The following SRFBP1 variants were observed in gnomAD, a reference collection of about 807,000 sequenced individuals.
SRFBP1 encodes the protein serum response factor-binding protein 1.
SRFBP1 carries 47 observed loss-of-function variants against 45.5 expected under a neutral mutation model. The observed-to-expected ratio is 1.03, with a 90% CI of 0.82 to 1.32. The LOEUF is 1.32. SRFBP1 is among the 40% of genes most tolerant of loss of function. SRFBP1 has a pLI of 0.00. For missense variants in SRFBP1, 621 were observed against 484.6 expected, an observed-to-expected ratio of 1.28 and a Z score of -2.64; for synonymous variants, 203 against 166.3, an observed-to-expected ratio of 1.22 and a Z score of -1.70.
chr5:122,066,306 C>T (rs1275298519), intron 2 of SRFBP1: 1 of 156,926 alleles, frequency 6.4e-6, no homozygotes, highest in African/African-American at 2.4e-5. Context: ...TTTCTAAATT[C>T]ATCTATGCTA....
intron 3 of SRFBP1, among the ~76,000 whole-genome samples, chr5:121,980,644 G>A (rs892217127): frequency 3.9e-5 from 6 of 152,062 alleles, no homozygotes; most frequent in Non-Finnish European, 8.8e-5. Context: ...CATATGCTGG[G>A]TAATTTTGGA....
At chr5:121,988,762 A>G (rs1168574774) in intron 3 of SRFBP1, among the ~76,000 whole-genome samples, 1 of 152,240 alleles carries the variant, frequency 6.6e-6, no homozygotes, top group Non-Finnish European at 1.5e-5. Context: ...CTCAGAGGTC[A>G]TCTCCTAGGA....
intron 4 of SRFBP1, among the ~76,000 whole-genome samples, chr5:122,012,453 A>G (rs1451691609): frequency 6.6e-6 from 1 of 152,114 alleles, no homozygotes; most frequent in African/African-American, 2.4e-5. Context: ...AAGAATGGAA[A>G]ACTAAATTTA....
chr5:122,009,335 T>C (rs997265565), intron 4 of SRFBP1, among the ~76,000 whole-genome samples: 5 of 152,226 alleles, frequency 3.3e-5, no homozygotes, highest in South Asian at 4.1e-4. Flanking sequence ...GGCTTCCTTT[T>C]ACTTTGTTAA....
downstream of SRFBP1, among the ~76,000 whole-genome samples, chr5:122,033,587 C>T (rs1031091229): frequency 6.0e-5 from 9 of 151,158 alleles, no homozygotes; most frequent in African/African-American, 2.4e-5. Flanking sequence ...TCAGCCTCCC[C>T]GTTAGCTGGG....
At chr5:122,031,041 A>C (rs1753581173), downstream of SRFBP1, among the ~76,000 whole-genome samples, 1 of 152,188 alleles carries the variant, frequency 6.6e-6, no homozygotes, top group Non-Finnish European at 1.5e-5. Flanking sequence ...GGTGAAGGCT[A>C]AGGAGAAGCT....
Position 122,026,969 on chromosome 5 carries a change from A to G in SRFBP1, c.1133A>G (p.Lys378Arg), listed in dbSNP as rs754110461. ...LDFPQNEPQI[K>R]NQFNKKLSGR... ...TTTCCACAGAATGAGCCTCAGATCA[A>G]GAATCAGTTTAATAAGAAGCTATCA... The change falls in exon 8 of 8, where the codon AAG becomes AGG. Residue 378 changes from lysine to arginine, a missense_variant. Transcript: ENST00000339397. The G allele has an allele frequency of 5.0e-6, 8 of 1,612,222 alleles. No individual in the cohort carries two copies. The highest frequency in any genetic ancestry group is 6.8e-6 in the Non-Finnish European group (8 of 1,179,448).
intron 4 of SRFBP1, among the ~76,000 whole-genome samples, chr5:122,006,695 A>C (rs1280111138): frequency 6.6e-6 from 1 of 151,736 alleles, no homozygotes; most frequent in Non-Finnish European, 1.5e-5. Context: ...TTCTCCATTA[A>C]ATTTTTATTT....
At chr5:122,037,677 C>CT (rs369460259) in intron 2 of SRFBP1, among the ~76,000 whole-genome samples, 8,063 of 145,794 alleles carry the variant, frequency 0.055, 257 homozygotes, top group African/African-American at 0.09. Flanking sequence ...ATTTTGTATT[C>CT]TTTTTTTTTT....
chr5:122,020,933 C>T, intron 6 of SRFBP1, 131 bp downstream of exon 6: 1 of 802,736 alleles, frequency 1.2e-6, no homozygotes, highest in South Asian at 2.6e-5. Flanking sequence ...ACATGGCCCT[C>T]TCCAAGGTTG....
chr5:122,034,444 G>GC (rs139980740), intron 2 of SRFBP1, among the ~76,000 whole-genome samples: 2,228 of 149,736 alleles, frequency 0.015, 44 homozygotes, highest in African/African-American at 0.047. Flanking sequence ...TGCCCTTAGC[G>GC]CCCCCCCCAT....
chr5:122,059,649 A>C (rs1026438200), intron 2 of SRFBP1, among the ~76,000 whole-genome samples: 1 of 152,130 alleles, frequency 6.6e-6, no homozygotes, highest in Non-Finnish European at 1.5e-5. Context: ...CTGTCATTCA[A>C]CTTCTCTGCA....
At chr5:122,058,529 AGTGT>A (rs147926229) in intron 2 of SRFBP1, among the ~76,000 whole-genome samples, 6,846 of 142,246 alleles carry the variant, frequency 0.048, 360 homozygotes, top group African/African-American at 0.14. Context: ...ACAATGAGAT[AGTGT>A]GTGTGTGTGT....
At position 122,020,239 on chromosome 5, in the gene SRFBP1, A is replaced by G. The variant is rs200716072; in HGVS notation, c.504A>G (p.Gln168=). Residue 168 remains glutamine (Q), a synonymous_variant, in exon 6 of 8, where the codon CAA becomes CAG. Coordinates refer to ENST00000339397, the MANE Select transcript of SRFBP1 (RefSeq NM_152546.3). ...GTGAAGCAACTGTCATCAGTGAGCA[A>G]AAAGTCAAAGAAACCAAAATATTGG... ...LQREATVISE[Q]KVKETKILAK... is the part of the protein sequence containing the mutation. 5 of 1,612,888 alleles carry G rather than the reference A, an allele frequency of 3.1e-6. No individual in the cohort carries two copies. The highest frequency in any genetic ancestry group is 1.7e-5 in the Admixed American group (1 of 59,764).
intron 4 of SRFBP1, among the ~76,000 whole-genome samples, chr5:122,009,153 A>G (rs981009669): frequency 2.6e-5 from 4 of 152,090 alleles, no homozygotes; most frequent in Non-Finnish European, 1.5e-5. Flanking sequence ...GCATTTTTCC[A>G]TTGACATGTC....
chr5:121,979,179 C>G (rs918358526), intron 3 of SRFBP1, among the ~76,000 whole-genome samples: 1 of 152,200 alleles, frequency 6.6e-6, no homozygotes, highest in African/African-American at 2.4e-5. Context: ...TATCATACCA[C>G]TTGAACCTCA....
chr5:122,053,372 G>A (rs527516795), intron 2 of SRFBP1, among the ~76,000 whole-genome samples: 2 of 152,172 alleles, frequency 1.3e-5, no homozygotes, highest in Admixed American at 1.3e-4. Context: ...GCTTTAGCAG[G>A]TGTTGCCTGC....
In SRFBP1 at chr5:121,974,280, A is replaced by G; in HGVS notation, c.121A>G (p.Lys41Glu). ...CAGGAGTGTTGGCCGACTGAAGTCA[A>G]AAAAGTTAGTCATTTAAAGTAATGA... ...LVRSVGRLKS[K>E]KGTEDALLKN... Residue 41 changes from lysine (K) to glutamate (E), a missense_variant, in exon 2 of 8, where the codon AAA becomes GAA. Physicochemically the swap from Lys to Glu is moderately conservative, Grantham distance 56 (BLOSUM62 1). Transcript: ENST00000339397. 1 of 1,608,848 alleles carries G rather than the reference A, an allele frequency of 6.2e-7. No individual in the cohort carries two copies. Among genetic ancestry groups the G allele is most frequent in the Non-Finnish European group, 8.5e-7 (1 of 1,175,982 alleles).
At chr5:122,040,582 A>G (rs1753758583) in intron 2 of SRFBP1, among the ~76,000 whole-genome samples, 1 of 152,130 alleles carries the variant, frequency 6.6e-6, no homozygotes, top group African/African-American at 2.4e-5. Flanking sequence ...TGCTCTCTCT[A>G]TCTGGACAGA....
Sources: gnomAD v4.1 joint callset for allele counts (sites outside exome capture counted in the v4.1 genomes callset) on GRCh38, gnomAD v4.1.1 for gene constraint, MANE v1.5 for transcripts, NCBI Gene and HGNC (gene_info 2026-07-23, HGNC 2026-07-21) for gene names.